RPH3AL: variants seen among roughly 807,000 people sequenced by gnomAD.
RPH3AL encodes rabphilin 3A like (without C2 domains).
In RPH3AL, 38 loss-of-function variants were observed where a neutral mutation model predicts 43.1. The ratio of observed to expected loss-of-function variants is 0.88; its 90% CI spans 0.68 to 1.15. The LOEUF is 1.15. Among genes scored for constraint, RPH3AL ranks in the 50% most tolerant of loss-of-function variants. The probability of loss-of-function intolerance (pLI) is 0.00; values close to 1 mark genes in which losing one functional copy is unlikely to be tolerated. For missense variants in RPH3AL, 462 were observed against 423.2 expected (o/e 1.09, Z -0.81); for synonymous variants, 189 against 176.3 (o/e 1.07, Z -0.57).
chr17:286,965 A>ACCCTCTCTCTCCACCATCAGACCTCACT (rs2042933003), intron 5 of RPH3AL, among the ~76,000 whole-genome samples: 1 of 51,782 alleles, frequency 1.9e-5, no homozygotes, highest in African/African-American at 7.3e-5. Flanking sequence ...CAGACCTCGC[A>ACCCTCTCTCTCCACCATCAGACCTCACT]CCCTCTCTCC....
At chr17:315,604 A>G (rs2044004244) in intron 5 of RPH3AL, among the ~76,000 whole-genome samples, 1 of 130,352 alleles carries the variant, frequency 7.7e-6, no homozygotes, top group African/African-American at 3.0e-5. Flanking sequence ...CTCCACCTCC[A>G]CTGAACTCTA....
At position 281,874 on chromosome 17, in the gene RPH3AL, G is replaced by A. The variant is rs372907410; in HGVS notation, c.352-20C>T. The A allele has an allele frequency of 3.0e-5, 48 of 1,602,096 alleles. No homozygotes were observed. Among genetic ancestry groups the A allele is most frequent in the Non-Finnish European group, 3.8e-5 (45 of 1,169,232 alleles). On this transcript the variant is annotated intron_variant, in intron 5 of 9. Coordinates refer to ENST00000331302, the MANE Select transcript of RPH3AL (RefSeq NM_006987.4). ...GACTTTCTACAAGAGAGAGGACATG[G>A]GGTTGTAAAGATTGCAGCCGCTTCC...
At chr17:218,417 T>G (rs2040865479) in intron 8 of RPH3AL, among the ~76,000 whole-genome samples, 2 of 150,836 alleles carry the variant, frequency 1.3e-5, no homozygotes, top group Admixed American at 1.3e-4. Context: ...CGTTCCCATC[T>G]GGGGCAGTTA....
chr17:263,491 GCGAC>G (rs2042248804), intron 6 of RPH3AL, among the ~76,000 whole-genome samples: 1 of 152,176 alleles, frequency 6.6e-6, no homozygotes, highest in Non-Finnish European at 1.5e-5. Flanking sequence ...GAGCCGCCGG[GCGAC>G]TGCCGTTCCC....
intron 7 of RPH3AL, among the ~76,000 whole-genome samples, chr17:235,678 CTCTACACTAA>C (rs2041363652): frequency 3.5e-5 from 3 of 86,956 alleles, no homozygotes; most frequent in Non-Finnish European, 4.9e-5. Context: ...TCAGCGGAGG[CTCTACACTAA>C]CAAGACAGGT....
intron 6 of RPH3AL, among the ~76,000 whole-genome samples, chr17:271,309 G>C (rs972818703): frequency 3.9e-5 from 6 of 152,168 alleles, no homozygotes; most frequent in African/African-American, 1.4e-4. Context: ...CCAATTCTGT[G>C]AAGAAAGTCA....
chr17:286,941 TCTCTCTCCACCGTCAGACCTCGCA>T (rs2042931080), intron 5 of RPH3AL, among the ~76,000 whole-genome samples: 22 of 23,308 alleles, frequency 9.4e-4, no homozygotes, highest in East Asian at 1.5e-3. Context: ...CCTCGCACCC[TCTCTCTCCACCGTCAGACCTCGCA>T]CCCTCTCTCC....
chr17:223,664 G>A (rs963852237), intron 7 of RPH3AL, among the ~76,000 whole-genome samples: 1 of 152,162 alleles, frequency 6.6e-6, no homozygotes, highest in African/African-American at 2.4e-5. Context: ...GGGAGGAAGT[G>A]CCTGGTCAGT....
rs181739310 is a variant in RPH3AL at position 264,727 on chromosome 17, G to A, written c.438+17041C>T. ...AGGATGACCCTTCCACCTGTGACCGGTATCAGCAAAAATGGAACACAGAAT... is the reference window on the plus strand; with the variant it reads ...AGGATGACCCTTCCACCTGTGACCGATATCAGCAAAAATGGAACACAGAAT... On this transcript the variant is annotated intron_variant, in intron 6 of 9. Coordinates refer to ENST00000331302, the MANE Select transcript of RPH3AL (RefSeq NM_006987.4). This position sits in a 1 kb window ranked among gnomAD's most constrained non-coding sequence, Gnocchi z 4.8. Among the ~76,000 whole-genome samples the A allele has an allele frequency of 6.6e-6, 1 of 152,164 alleles. No homozygotes were observed. Among genetic ancestry groups the A allele is most frequent in the African/African-American group, 2.4e-5 (1 of 41,436 alleles).
intron 5 of RPH3AL, among the ~76,000 whole-genome samples, chr17:315,041 TAC>T (rs1567508857): frequency 4.9e-5 from 5 of 101,844 alleles, no homozygotes; most frequent in Non-Finnish European, 1.1e-4. Context: ...GTAGTCCCTG[TAC>T]TCCACCTCCA....
At position 272,966 on chromosome 17, in the gene RPH3AL, G is replaced by GAGACCCCAGCGAGGGCGACA. The variant is rs1567604343; in HGVS notation, c.438+8801_438+8802insTGTCGCCCTCGCTGGGGTCT. On this transcript the variant is annotated intron_variant, in intron 6 of 9. Coordinates refer to ENST00000331302, the MANE Select transcript of RPH3AL (RefSeq NM_006987.4). ...AGACCCCAGCAAGGGCTACGTCAGG[G>GAGACCCCAGCGAGGGCGACA]TGAGACCCCAGCAAGGGCTACGTCA... is the stretch of plus-strand genomic sequence containing the variant. Among the ~76,000 whole-genome samples, 4 of 52,502 alleles carry GAGACCCCAGCGAGGGCGACA rather than the reference G, an allele frequency of 7.6e-5. No homozygotes were observed. In the Admixed American group the frequency reaches 8.3e-4, roughly 11 times the overall value. The allele number at this position is 52,502 out of a possible 152,430, so 34.4% of individuals were successfully genotyped here. A position where few individuals can be genotyped will look rare whatever the true frequency, so the allele number is the denominator to read the frequency against.
At chr17:337,670 TCA>T (rs1376604165) in intron 1 of RPH3AL, among the ~76,000 whole-genome samples, 2 of 152,178 alleles carry the variant, frequency 1.3e-5, no homozygotes, top group Non-Finnish European at 2.9e-5. Context: ...GCGGCACCTC[TCA>T]GTTTCCTTGG....
intron 6 of RPH3AL, among the ~76,000 whole-genome samples, chr17:265,669 C>T (rs60794269): frequency 0.24 from 36,736 of 152,172 alleles, 4,716 homozygotes; most frequent in South Asian, 0.44. Context: ...TTATTTCCTT[C>T]CCTGACCTCT....
chr17:217,029 C>T (rs1230289686), intron 8 of RPH3AL, among the ~76,000 whole-genome samples: 6 of 150,674 alleles, frequency 4.0e-5, no homozygotes, highest in Non-Finnish European at 8.9e-5. Context: ...ATTGGCCTCG[C>T]TGAAATCAGG....
chr17:253,790 C>A (rs1388379303), intron 6 of RPH3AL, among the ~76,000 whole-genome samples: 1 of 94,096 alleles, frequency 1.1e-5, no homozygotes, highest in Admixed American at 1.1e-4. Flanking sequence ...CGGCGTCTGT[C>A]CTTTTCCATC....
intron 6 of RPH3AL, among the ~76,000 whole-genome samples, chr17:257,590 G>T (rs1342417758): frequency 3.5e-5 from 1 of 28,372 alleles, no homozygotes; most frequent in African/African-American, 1.3e-4. Flanking sequence ...TCCTATGAGG[G>T]GAGCTGCACG....
intron 3 of RPH3AL, among the ~76,000 whole-genome samples, chr17:324,728 T>TATCTATCTATCTATCTATCTA (rs1555525223): frequency 6.6e-6 from 1 of 152,112 alleles, no homozygotes; most frequent in Non-Finnish European, 1.5e-5. Context: ...TCTATCTATC[T>TATCTATCTATCTATCTATCTA]ATCTATGTCT....
rs781654993 is a variant in RPH3AL at position 235,494 on chromosome 17, C to G, written c.613+11617G>C. On this transcript the variant is annotated intron_variant, in intron 7 of 9. Coordinates refer to ENST00000331302, the MANE Select transcript of RPH3AL (RefSeq NM_006987.4). ...CGGCCGAGGCTCTGCACTAACAAGA[C>G]GGATCCAGGGTTCAAAGCTGGGGTC... Among the ~76,000 whole-genome samples, 555 of 99,858 alleles carry G rather than the reference C, an allele frequency of 5.6e-3. 26 individuals are homozygous for G. Among genetic ancestry groups the G allele is most frequent in the Middle Eastern group, 9.1e-3 (1 of 110 alleles). 65.5% of individuals were successfully genotyped at this position (99,858 alleles called of 152,430 possible).
intron 6 of RPH3AL, among the ~76,000 whole-genome samples, chr17:260,225 C>T (rs182620538): frequency 1.1e-4 from 16 of 152,330 alleles, no homozygotes; most frequent in African/African-American, 3.6e-4. Context: ...CAGGCAGTCA[C>T]GCTTCCCCGG....
Sources: allele counts gnomAD v4.1 joint callset (sites outside exome capture counted in the v4.1 genomes callset), GRCh38; gene constraint gnomAD v4.1.1; non-coding constraint Gnocchi (gnomAD v3.1); transcripts MANE v1.5; gene names NCBI Gene and HGNC (gene_info 2026-07-23, HGNC 2026-07-21).